The following ADAMTSL1 variants were observed in gnomAD, a reference collection of about 807,000 sequenced individuals.
The protein encoded by ADAMTSL1 is ADAMTS like 1.
Under a neutral mutation model 201.8 loss-of-function variants are expected in ADAMTSL1, and 126 were observed. The ratio of observed to expected loss-of-function variants is 0.62; its 90% CI spans 0.54 to 0.72. ADAMTSL1 has a LOEUF of 0.72. ADAMTSL1 is among the 30% of genes least tolerant of loss of function. ADAMTSL1 has a pLI of 0.00. For missense variants in ADAMTSL1, 2,679 were observed against 2,277.8 expected (o/e 1.18, Z -3.59); for synonymous variants, 1,121 against 903.4 (o/e 1.24, Z -4.32).
At chr9:18,306,068 G>T (rs1337873052) in intron 2 of ADAMTSL1, among the ~76,000 whole-genome samples, 1 of 152,042 alleles carries the variant, frequency 6.6e-6, no homozygotes, top group Non-Finnish European at 1.5e-5. Flanking sequence ...AGGCAAACAG[G>T]GCATGGAGTA....
At chr9:18,258,574 A>AATC (rs983214676) in intron 2 of ADAMTSL1, among the ~76,000 whole-genome samples, 1 of 152,148 alleles carries the variant, frequency 6.6e-6, no homozygotes, top group Non-Finnish European at 1.5e-5. Flanking sequence ...TAGCAGAGAC[A>AATC]ATCACATTCC....
At chr9:18,547,607 T>C (rs1287657161) in intron 3 of ADAMTSL1, among the ~76,000 whole-genome samples, 1 of 145,272 alleles carries the variant, frequency 6.9e-6, no homozygotes, top group Non-Finnish European at 1.5e-5. Context: ...AGGCTCTCTG[T>C]TGTGAAGAGC....
At chr9:18,522,964 G>A (rs1356838958) in intron 2 of ADAMTSL1, among the ~76,000 whole-genome samples, 3 of 152,132 alleles carry the variant, frequency 2.0e-5, no homozygotes, top group Non-Finnish European at 4.4e-5. Flanking sequence ...ACAGTAATGG[G>A]ATGGCTGGGT....
At chr9:18,536,443 CTT>C (rs34201579) in intron 3 of ADAMTSL1, among the ~76,000 whole-genome samples, 2,219 of 142,596 alleles carry the variant, frequency 0.016, 43 homozygotes, top group African/African-American at 0.049. Context: ...CCCAGTTTCC[CTT>C]TTTTTTTTTT....
chr9:18,775,666 TGA>T (rs1231887672), intron 17 of ADAMTSL1, 75 bp from the exon 18 acceptor site: 16 of 1,528,570 alleles, frequency 1.0e-5, no homozygotes, highest in Non-Finnish European at 1.4e-5. Flanking sequence ...CATATTTTGA[TGA>T]GTTTGACAGT....
At chr9:18,363,028 T>G (rs1487608273) in intron 2 of ADAMTSL1, among the ~76,000 whole-genome samples, 1 of 152,140 alleles carries the variant, frequency 6.6e-6, no homozygotes, top group Non-Finnish European at 1.5e-5. Flanking sequence ...ACAAAAGGAC[T>G]CAAGCTAGCC....
chr9:18,168,889 T>A lies in ADAMTSL1; in HGVS notation c.207+4908T>A, dbSNP rs540671621. On this transcript the variant is annotated intron_variant, in intron 2 of 29. Coordinates refer to the ADAMTSL1 transcript ENST00000680146. ...CTCTGATGGCCAGTGATGATGAGCA[T>A]TTTTTCATGTGCTTTTTGGCTGCAT... Among the ~76,000 whole-genome samples the A allele has an allele frequency of 7.2e-3, 1,093 of 151,594 alleles. 10 individuals carry two copies. Among genetic ancestry groups the A allele is most frequent in the South Asian group, 0.036 (174 of 4,770 alleles).
At chr9:18,555,986 A>G (rs1821087022) in intron 3 of ADAMTSL1, among the ~76,000 whole-genome samples, 2 of 151,852 alleles carry the variant, frequency 1.3e-5, no homozygotes, top group Middle Eastern at 3.4e-3. Flanking sequence ...CCTAGAACTT[A>G]AAGTATAATA....
At chr9:18,130,204 CAG>C (rs961552757) in intron 1 of ADAMTSL1, among the ~76,000 whole-genome samples, 1 of 152,106 alleles carries the variant, frequency 6.6e-6, no homozygotes, top group African/African-American at 2.4e-5. Context: ...TCTGCCTTCA[CAG>C]GGGCATTTTC....
intron 1 of ADAMTSL1, among the ~76,000 whole-genome samples, chr9:17,999,474 T>C (rs533694481): frequency 1.3e-5 from 2 of 152,222 alleles, no homozygotes; most frequent in South Asian, 2.1e-4. Flanking sequence ...ATTTTTGTTA[T>C]ACTTGCAATG....
At chr9:18,719,626 A>G (rs995723182) in intron 14 of ADAMTSL1, among the ~76,000 whole-genome samples, 4 of 152,088 alleles carry the variant, frequency 2.6e-5, no homozygotes, top group Non-Finnish European at 5.9e-5. Context: ...GGCCTCCCAA[A>G]GTGTTGGGAT....
rs1829127778 is a variant in ADAMTSL1 at position 18,889,744 on chromosome 9, T to A, written c.4639T>A (p.Ser1547Thr). ...PIACNRRDCP[S>T]RWMVTSWSAC... ...CGCGTGCAACCGGAGAGACTGCCCT[T>A]CTCGGTGAGTGCAGCGGACACTGGC... Residue 1547 changes from serine to threonine, a missense_variant, in exon 25 of 29, where the codon TCT (serine) becomes ACT (threonine). Physicochemically the swap from Ser to Thr is moderately conservative, Grantham distance 58. Coordinates refer to ENST00000380548, the MANE Select transcript of ADAMTSL1 (RefSeq NM_001040272.6). 2.7e-6 allele frequency: 4 copies of A among 1,497,802 alleles called. No individual in the cohort carries two copies. The highest frequency in any genetic ancestry group is 3.6e-6 in the Non-Finnish European group (4 of 1,124,148). The allele number at this position is 1,497,802 out of a possible 1,614,324, so 92.8% of individuals were successfully genotyped here. A position where few individuals can be genotyped will look rare whatever the true frequency, so the allele number is the denominator to read the frequency against.
rs762971885 is a variant in ADAMTSL1 at position 18,622,387 on chromosome 9, G to T, written c.601+18G>T. 1 of 1,613,932 alleles carries T rather than the reference G, an allele frequency of 6.2e-7. No homozygotes were observed. The highest frequency in any genetic ancestry group is 1.7e-5 in the Admixed American group (1 of 59,996). On this transcript the variant is annotated intron_variant, in intron 5 of 28. Transcript: ENST00000380548. ...AACCAAATGTAAGACACACAGAGAT[G>T]GGCGACCTTTGGACTTGTTGACTTA...
intron 5 of ADAMTSL1, among the ~76,000 whole-genome samples, chr9:18,629,934 T>A (rs1826640423): frequency 6.6e-6 from 1 of 152,226 alleles, no homozygotes; most frequent in Non-Finnish European, 1.5e-5. Context: ...TATTTTAATA[T>A]CCATTCTGTG....
At chr9:17,948,493 A>G (rs1015103259) in intron 1 of ADAMTSL1, among the ~76,000 whole-genome samples, 1 of 152,190 alleles carries the variant, frequency 6.6e-6, no homozygotes, top group African/African-American at 2.4e-5. Context: ...TGGTATTAAA[A>G]TACACTTTAT....
intron 17 of ADAMTSL1, among the ~76,000 whole-genome samples, chr9:18,772,016 G>C (rs530573774): frequency 1.3e-5 from 2 of 152,196 alleles, no homozygotes; most frequent in South Asian, 4.1e-4. Context: ...CAGAACGTTT[G>C]GGGAATTATT....
At chr9:18,699,149 C>T (rs895026695) in intron 13 of ADAMTSL1, among the ~76,000 whole-genome samples, 1 of 152,104 alleles carries the variant, frequency 6.6e-6, no homozygotes, top group African/African-American at 2.4e-5. Flanking sequence ...TGTTTTTTAA[C>T]CCAACTTCCA....
chr9:18,121,194 C>G (rs1263474464), intron 1 of ADAMTSL1, among the ~76,000 whole-genome samples: 1 of 152,148 alleles, frequency 6.6e-6, no homozygotes, highest in Non-Finnish European at 1.5e-5. Flanking sequence ...TCATCAGGGA[C>G]TTTCTTTTTC....
chr9:18,550,188 A>G (rs1201328405), intron 3 of ADAMTSL1, among the ~76,000 whole-genome samples: 3 of 152,028 alleles, frequency 2.0e-5, no homozygotes, highest in Non-Finnish European at 4.4e-5. Flanking sequence ...CTCCAAAGAT[A>G]TCTATGTCCT....
Sources: allele counts gnomAD v4.1 joint callset (sites outside exome capture counted in the v4.1 genomes callset), GRCh38; gene constraint gnomAD v4.1.1; transcripts MANE v1.5; gene names NCBI Gene and HGNC (gene_info 2026-07-23, HGNC 2026-07-21).